The following MBNL1 variants were observed in gnomAD, a reference collection of about 807,000 sequenced individuals.
MBNL1 encodes muscleblind like splicing regulator 1.
MBNL1 carries 8 observed loss-of-function variants against 42.2 expected under a neutral mutation model. The ratio of observed to expected loss-of-function variants is 0.19; its 90% CI spans 0.11 to 0.34. The LOEUF is 0.34. Among genes scored for constraint, MBNL1 ranks in the 10% least tolerant of loss-of-function variants. The probability of loss-of-function intolerance (pLI) is 1.00; values close to 1 mark genes in which losing one functional copy is unlikely to be tolerated. For missense variants in MBNL1, 309 were observed against 495.3 expected (o/e 0.62, Z 3.57); for synonymous variants, 169 against 173.9 (o/e 0.97, Z 0.22).
chr3:152,306,092 A>G (rs531121499), intron 2 of MBNL1, among the ~76,000 whole-genome samples: 1 of 152,156 alleles, frequency 6.6e-6, no homozygotes, highest in Non-Finnish European at 1.5e-5. Context: ...ATCTCTGACC[A>G]TTACATTTCT....
intron 2 of MBNL1, among the ~76,000 whole-genome samples, chr3:152,253,253 T>A (rs2034934842): frequency 1.3e-5 from 2 of 152,114 alleles, no homozygotes. Context: ...TAGTACCACC[T>A]TACCCCCATT....
At chr3:152,246,070 C>A (rs528750062) in intron 2 of MBNL1, among the ~76,000 whole-genome samples, 11 of 151,972 alleles carry the variant, frequency 7.2e-5, no homozygotes, top group Non-Finnish European at 1.0e-4. Flanking sequence ...AGTGACAGAG[C>A]CAGATTCTGT....
intron 2 of MBNL1, among the ~76,000 whole-genome samples, chr3:152,359,620 G>A (rs139571375): frequency 4.3e-4 from 66 of 152,276 alleles, no homozygotes; most frequent in African/African-American, 1.6e-3. Context: ...CACATTCCTG[G>A]AGAGGCCAAG....
At chr3:152,441,826 T>C (rs745825853) in intron 4 of MBNL1, among the ~76,000 whole-genome samples, 8 of 152,230 alleles carry the variant, frequency 5.3e-5, no homozygotes, top group Admixed American at 1.3e-4. Flanking sequence ...AGAGTCTTGC[T>C]CTGTTGCCCA....
chr3:152,293,976 T>C (rs1455666037), intron 1 of MBNL1, among the ~76,000 whole-genome samples: 1 of 151,450 alleles, frequency 6.6e-6, no homozygotes, highest in Non-Finnish European at 1.5e-5. Flanking sequence ...TATATGTAAT[T>C]TTTAAGAATA....
At chr3:152,337,818 A>G (rs1256920463) in intron 2 of MBNL1, among the ~76,000 whole-genome samples, 1 of 152,134 alleles carries the variant, frequency 6.6e-6, no homozygotes, top group African/African-American at 2.4e-5. Context: ...TGATCATAAC[A>G]GAAAGTGATA....
intron 2 of MBNL1, among the ~76,000 whole-genome samples, chr3:152,405,322 A>T (rs1041602874): frequency 6.6e-6 from 1 of 152,180 alleles, no homozygotes; most frequent in Non-Finnish European, 1.5e-5. Flanking sequence ...GTTTTGTCGT[A>T]CTTAAGTATT....
At chr3:152,369,516 T>A (rs1238287691) in intron 2 of MBNL1, among the ~76,000 whole-genome samples, 1 of 152,196 alleles carries the variant, frequency 6.6e-6, no homozygotes, top group African/African-American at 2.4e-5. Context: ...AGGATGACAC[T>A]GGCCTCATAA....
At chr3:152,386,736 T>C (rs1004210154) in intron 2 of MBNL1, among the ~76,000 whole-genome samples, 2 of 151,832 alleles carry the variant, frequency 1.3e-5, no homozygotes, top group African/African-American at 4.8e-5. Flanking sequence ...ACAAGTAAAG[T>C]AGGCAAATGC....
chr3:152,335,223 G>A, intron 2 of MBNL1: 1 of 1,289,768 alleles, frequency 7.8e-7, no homozygotes, highest in Non-Finnish European at 1.0e-6. Flanking sequence ...GTTGGCTAAT[G>A]GATGCTGGTG....
chr3:152,337,348 G>A (rs747292336), intron 2 of MBNL1, among the ~76,000 whole-genome samples: 3 of 152,134 alleles, frequency 2.0e-5, no homozygotes, highest in African/African-American at 2.4e-5. Flanking sequence ...GGCCAAGCAC[G>A]GTGGCTCACG....
intron 2 of MBNL1, among the ~76,000 whole-genome samples, chr3:152,255,063 A>G (rs1413420482): frequency 6.6e-6 from 1 of 152,168 alleles, no homozygotes; most frequent in Admixed American, 6.6e-5. Flanking sequence ...ATAGATTATT[A>G]TGATGCAGTC....
chr3:152,317,633 A>AT (rs2072911119), intron 2 of MBNL1, among the ~76,000 whole-genome samples: 1 of 152,094 alleles, frequency 6.6e-6, no homozygotes, highest in South Asian at 2.1e-4. Flanking sequence ...TTTTTGTTTT[A>AT]TTTTTTTAAT....
At chr3:152,333,348 A>T (rs1482343119) in intron 2 of MBNL1, among the ~76,000 whole-genome samples, 2 of 152,246 alleles carry the variant, frequency 1.3e-5, no homozygotes, top group Non-Finnish European at 2.9e-5. Flanking sequence ...AGAGAAATGG[A>T]CACATATAAG....
At chr3:152,246,902 C>T (rs1182322995) in intron 2 of MBNL1, among the ~76,000 whole-genome samples, 1 of 151,958 alleles carries the variant, frequency 6.6e-6, no homozygotes, top group Admixed American at 6.6e-5. Flanking sequence ...CAAAGTTGCT[C>T]ATCTATAGAA....
chr3:152,382,680 A>G (rs914528572), intron 2 of MBNL1, among the ~76,000 whole-genome samples: 1 of 152,132 alleles, frequency 6.6e-6, no homozygotes. Context: ...TCAGTGGCAG[A>G]ATATAAAAAG....
intron 2 of MBNL1, among the ~76,000 whole-genome samples, chr3:152,301,713 T>A (rs2060788960): frequency 6.6e-6 from 1 of 152,220 alleles, no homozygotes; most frequent in South Asian, 2.1e-4. Context: ...CCCTTTCCTT[T>A]GAGAGGCATC....
chr3:152,332,774 G>A (rs1254077408), intron 2 of MBNL1, among the ~76,000 whole-genome samples: 3 of 149,552 alleles, frequency 2.0e-5, no homozygotes, highest in Non-Finnish European at 3.0e-5. Flanking sequence ...GTTTATATTA[G>A]GTTAGAGTTT....
chr3:152,349,848 C>T (rs1300467218), intron 2 of MBNL1, among the ~76,000 whole-genome samples: 4 of 151,922 alleles, frequency 2.6e-5, no homozygotes, highest in Non-Finnish European at 5.9e-5. Context: ...CAGAAAATTA[C>T]CTTGAGATTT....
Sources: allele counts gnomAD v4.1 joint callset (sites outside exome capture counted in the v4.1 genomes callset), GRCh38; gene constraint gnomAD v4.1.1; transcripts MANE v1.5; gene names NCBI Gene and HGNC (gene_info 2026-07-23, HGNC 2026-07-21).